Variants in CARMIL1 observed in about 807,000 individuals in gnomAD.
The protein encoded by CARMIL1 is F-actin-uncapping protein LRRC16A.
CARMIL1 carries 90 observed loss-of-function variants against 177.1 expected under a neutral mutation model. That is an observed-to-expected ratio of 0.51 (90% confidence interval 0.43 to 0.61). CARMIL1 has a LOEUF of 0.61. CARMIL1 is among the 20% of genes least tolerant of loss of function. The pLI, the probability that CARMIL1 is intolerant of heterozygous loss-of-function variation, is 0.00. For missense variants in CARMIL1, 1,380 were observed against 1,667.0 expected (o/e 0.83, Z 3.00); for synonymous variants, 577 against 606.2 (o/e 0.95, Z 0.71).
At chr6:25,569,255 G>A (rs1400470872) in intron 29 of CARMIL1, among the ~76,000 whole-genome samples, 1 of 152,166 alleles carries the variant, frequency 6.6e-6, no homozygotes, top group East Asian at 1.9e-4. Flanking sequence ...ATTCAGTAGG[G>A]ATGTTGATTA....
chr6:25,551,876 A>G (rs1810137338), intron 27 of CARMIL1, among the ~76,000 whole-genome samples: 1 of 152,162 alleles, frequency 6.6e-6, no homozygotes, highest in East Asian at 1.9e-4. Flanking sequence ...GCTAACACAC[A>G]ATGATACAGC....
intron 2 of CARMIL1, among the ~76,000 whole-genome samples, chr6:25,374,046 CT>C (rs1254743130): frequency 3.3e-5 from 5 of 150,782 alleles, no homozygotes; most frequent in African/African-American, 1.2e-4. Flanking sequence ...ATGAAAAGGT[CT>C]TTGTTATTTC....
chr6:25,513,059 T>G (rs1805614394), intron 20 of CARMIL1, among the ~76,000 whole-genome samples: 1 of 152,334 alleles, frequency 6.6e-6, no homozygotes, highest in African/African-American at 2.4e-5. Context: ...CCTATTATTT[T>G]TAAGTATTAA....
At chr6:25,370,155 A>T (rs1442209169) in intron 2 of CARMIL1, 1 of 152,236 alleles carries the variant, frequency 6.6e-6, no homozygotes, top group African/African-American at 2.4e-5. Flanking sequence ...TGCCAACCTC[A>T]TTAGAAAACA....
intron 2 of CARMIL1, among the ~76,000 whole-genome samples, chr6:25,296,017 A>G (rs1352671603): frequency 6.6e-6 from 1 of 152,242 alleles, no homozygotes; most frequent in African/African-American, 2.4e-5. Context: ...GTAATTAACA[A>G]GAACCATAAG....
intron 2 of CARMIL1, among the ~76,000 whole-genome samples, chr6:25,355,119 G>A (rs772360451): frequency 3.3e-5 from 5 of 152,152 alleles, no homozygotes; most frequent in Admixed American, 2.0e-4. Flanking sequence ...ATAAAAAGAT[G>A]TGACCTCTGG....
At chr6:25,586,284 G>T (rs1442002186) in intron 31 of CARMIL1, among the ~76,000 whole-genome samples, 1 of 150,114 alleles carries the variant, frequency 6.7e-6, no homozygotes, top group Non-Finnish European at 1.5e-5. Flanking sequence ...ACGGGGTGGC[G>T]GTTGGGCAGA....
chr6:25,288,771 G>C (rs994292338), intron 2 of CARMIL1, among the ~76,000 whole-genome samples: 3 of 152,108 alleles, frequency 2.0e-5, no homozygotes, highest in Non-Finnish European at 4.4e-5. Context: ...ACAGTTTGTG[G>C]CACCTTATTA....
At chr6:25,513,926 G>C (rs1017346074) in intron 20 of CARMIL1, among the ~76,000 whole-genome samples, 1 of 152,086 alleles carries the variant, frequency 6.6e-6, no homozygotes, top group East Asian at 1.9e-4. Flanking sequence ...CATCTCCCAG[G>C]GAAGTCTGAA....
intron 9 of CARMIL1, among the ~76,000 whole-genome samples, chr6:25,469,212 C>A (rs1476584047): frequency 2.0e-5 from 3 of 152,148 alleles, no homozygotes; most frequent in African/African-American, 4.8e-5. Context: ...AGAATGGAAT[C>A]AAACAGCAAA....
At chr6:25,488,673 TC>T in intron 13 of CARMIL1, 88 bp downstream of exon 13, 1 of 1,030,156 alleles carries the variant, frequency 9.7e-7, no homozygotes, top group Non-Finnish European at 1.5e-6. Flanking sequence ...TAGTGCATTT[TC>T]CTGCCTCTCT....
intron 15 of CARMIL1, 44 bp from the exon 16 acceptor site, chr6:25,495,067 T>C: frequency 9.4e-7 from 1 of 1,067,226 alleles, no homozygotes; most frequent in Non-Finnish European, 1.4e-6. Flanking sequence ...TGAATATGTT[T>C]GATGAAGGTG....
At chr6:25,451,016 C>CCCTCTCT (rs1482022217) in intron 8 of CARMIL1, among the ~76,000 whole-genome samples, 1,402 of 39,312 alleles carry the variant, frequency 0.036, 538 homozygotes, top group Middle Eastern at 0.091. Context: ...CTCCCCTCTC[C>CCCTCTCT]CCTCTCTTCT....
chr6:25,310,930 G>T (rs1259490365), intron 2 of CARMIL1, among the ~76,000 whole-genome samples: 1 of 152,080 alleles, frequency 6.6e-6, no homozygotes, highest in Non-Finnish European at 1.5e-5. Flanking sequence ...GGTGGGTTGA[G>T]GCCGGGTGCG....
chr6:25,557,702 A>G (rs1163395664), intron 29 of CARMIL1, among the ~76,000 whole-genome samples: 4 of 152,158 alleles, frequency 2.6e-5, no homozygotes, highest in Non-Finnish European at 5.9e-5. Context: ...TAATTTTTAG[A>G]TGAAGCCATT....
chr6:25,366,941 G>T (rs532731843), intron 2 of CARMIL1, among the ~76,000 whole-genome samples: 1 of 151,734 alleles, frequency 6.6e-6, no homozygotes, highest in East Asian at 1.9e-4. Flanking sequence ...ACTGAACCTT[G>T]TGTACTATTC....
intron 2 of CARMIL1, among the ~76,000 whole-genome samples, chr6:25,362,642 C>A (rs1789339009): frequency 1.3e-5 from 2 of 151,986 alleles, no homozygotes; most frequent in African/African-American, 4.8e-5. Flanking sequence ...CTATTGCACT[C>A]CAGCCTGGGA....
intron 2 of CARMIL1, among the ~76,000 whole-genome samples, chr6:25,322,597 C>T (rs989591367): frequency 6.6e-6 from 1 of 152,166 alleles, no homozygotes; most frequent in Admixed American, 6.5e-5. Flanking sequence ...TTGTAACCTT[C>T]CCTTTACTAA....
At position 25,540,083 on chromosome 6, in the gene CARMIL1, G is replaced by T; in HGVS notation, c.2328+5G>T. ...GTAGTAGATGAACAACTAAAGGTTT[G>T]TGGGGTTTGTTATTTGGGAAATGAA... On this transcript the variant is annotated splice_donor_5th_base_variant and intron_variant, in intron 26 of 36. Coordinates refer to ENST00000329474, the MANE Select transcript of CARMIL1 (RefSeq NM_017640.6). 1 of 1,582,388 alleles carries T rather than the reference G, an allele frequency of 6.3e-7. No homozygotes were observed. Among genetic ancestry groups the T allele is most frequent in the Non-Finnish European group, 8.6e-7 (1 of 1,169,408 alleles).
Sources: gnomAD v4.1 joint callset for allele counts (sites outside exome capture counted in the v4.1 genomes callset) on GRCh38, gnomAD v4.1.1 for gene constraint, MANE v1.5 for transcripts, NCBI Gene and HGNC (gene_info 2026-07-23, HGNC 2026-07-21) for gene names.